SPATS2L: variants seen among roughly 807,000 people sequenced by gnomAD.
SPATS2L encodes the protein SPATS2-like protein.
In SPATS2L, 30 loss-of-function variants were observed where a neutral mutation model predicts 59.6. That is an observed-to-expected ratio of 0.50 (90% confidence interval 0.38 to 0.68). The LOEUF (loss-of-function observed/expected upper bound fraction) is 0.68, where lower values mean the gene tolerates loss of function less well. Ranked by LOEUF, SPATS2L falls within the 30% of genes least tolerant of loss-of-function variation. The probability of loss-of-function intolerance (pLI) is 0.00; values close to 1 mark genes in which losing one functional copy is unlikely to be tolerated. For missense variants in SPATS2L, 615 were observed against 700.0 expected (o/e 0.88, Z 1.37); for synonymous variants, 252 against 263.5 (o/e 0.96, Z 0.42).
intron 2 of SPATS2L, among the ~76,000 whole-genome samples, chr2:200,338,049 G>A (rs1186065433): frequency 6.6e-6 from 1 of 151,984 alleles, no homozygotes; most frequent in Admixed American, 6.6e-5. Context: ...TTTTGAGACG[G>A]GGTCTCACTC....
intron 2 of SPATS2L, among the ~76,000 whole-genome samples, chr2:200,335,200 A>G (rs1310835603): frequency 6.6e-6 from 1 of 152,126 alleles, no homozygotes; most frequent in African/African-American, 2.4e-5. Flanking sequence ...TAAGGTGTGT[A>G]TATTCAAGTG....
intron 2 of SPATS2L, among the ~76,000 whole-genome samples, chr2:200,381,048 A>C (rs752980676): frequency 1.3e-5 from 2 of 152,242 alleles, no homozygotes; most frequent in Non-Finnish European, 2.9e-5. Flanking sequence ...GTAGCAAAGG[A>C]TGGAGGGAAA....
chr2:200,410,223 A>G lies in SPATS2L; in HGVS notation c.40-2088A>G, dbSNP rs534024394. On this transcript the variant is annotated intron_variant, in intron 3 of 12. Transcript: ENST00000409140. ...TGGCTTGAAATAAATGCTAGATTTA[A>G]AAGAGCTATATTGGAAGGGTAACAT... is the stretch of plus-strand genomic sequence containing the variant. Among the ~76,000 whole-genome samples, 102 of 152,260 alleles carry G rather than the reference A, an allele frequency of 6.7e-4. 1 individual carries two copies. In the South Asian group the frequency reaches 1.0e-2, roughly 15 times the overall value.
intron 3 of SPATS2L, among the ~76,000 whole-genome samples, chr2:200,397,071 T>C (rs2082378114): frequency 6.6e-6 from 1 of 152,182 alleles, no homozygotes; most frequent in Admixed American, 6.5e-5. Context: ...AATTTACTAT[T>C]GTAGGATTAG....
chr2:200,406,394 A>C (rs1392217169), intron 3 of SPATS2L, among the ~76,000 whole-genome samples: 1 of 151,294 alleles, frequency 6.6e-6, no homozygotes, highest in East Asian at 1.9e-4. Flanking sequence ...AAACCCTCTC[A>C]AACTAGCACA....
intron 5 of SPATS2L, 49 bp downstream of exon 5, chr2:200,416,477 T>G: frequency 2.7e-6 from 3 of 1,095,660 alleles, no homozygotes; most frequent in Non-Finnish European, 3.8e-6. Flanking sequence ...ATCAAAACCT[T>G]CATGGTTGTT....
intron 2 of SPATS2L, among the ~76,000 whole-genome samples, chr2:200,359,633 C>T (rs1403919135): frequency 6.6e-6 from 1 of 152,204 alleles, no homozygotes; most frequent in African/African-American, 2.4e-5. Flanking sequence ...TAAGCCTGTT[C>T]TTGGAATAAA....
intron 3 of SPATS2L, among the ~76,000 whole-genome samples, chr2:200,407,375 G>C (rs1423752840): frequency 6.6e-6 from 1 of 152,168 alleles, no homozygotes; most frequent in African/African-American, 2.4e-5. Context: ...CCCTTACTCA[G>C]CAAAGTTAAT....
intron 2 of SPATS2L, among the ~76,000 whole-genome samples, chr2:200,337,050 T>C (rs575863961): frequency 2.0e-5 from 3 of 152,358 alleles, no homozygotes; most frequent in Non-Finnish European, 4.4e-5. Flanking sequence ...TGAGTTATAA[T>C]GTAATCTATA....
chr2:200,452,634 A>G (rs1349804672), intron 8 of SPATS2L, among the ~76,000 whole-genome samples: 4 of 152,194 alleles, frequency 2.6e-5, no homozygotes, highest in Non-Finnish European at 5.9e-5. Flanking sequence ...CTGATTGGCA[A>G]TTGAGTGTAG....
rs992026823 is a variant in SPATS2L, at chr2:200,478,693, C to T, written c.*662C>T. On this transcript the variant is annotated 3_prime_UTR_variant, in exon 13 of 13. Coordinates refer to ENST00000409140, the MANE Select transcript of SPATS2L (RefSeq NM_001100423.2). The stretch of plus-strand genomic sequence containing the variant: ...TCTTTCAGGAAAATATATATATGCC[C>T]TTTCAATTAGATTACACAAATAGAT... 1.3e-5 allele frequency: 2 copies of T among 152,488 alleles called. No individual in the cohort carries two copies. The highest frequency in any genetic ancestry group is 2.9e-5 in the Non-Finnish European group (2 of 68,034). The allele number at this position is 152,488 out of a possible 1,614,324, so 9.4% of individuals were successfully genotyped here.
Position 200,439,208 on chromosome 2 carries a change from C to A in SPATS2L, c.532C>A (p.Gln178Lys), listed in dbSNP as rs1574545892. The A allele has an allele frequency of 3.1e-6, 5 of 1,613,636 alleles. No homozygotes were observed. Among genetic ancestry groups the A allele is most frequent in the Non-Finnish European group, 3.4e-6 (4 of 1,179,654 alleles). Residue 178 changes from glutamine to lysine, a missense_variant, in exon 7 of 13, where the codon CAG (glutamine) becomes AAG (lysine). Coordinates refer to ENST00000409140, the MANE Select transcript of SPATS2L (RefSeq NM_001100423.2). Reference sequence around the variant, plus strand: ...AACAACAGAGAGGTCAGATGGCCTACAGTGGTCAGCTGAGCAGCCTTGTAA... The same window carrying A: ...AACAACAGAGAGGTCAGATGGCCTAAAGTGGTCAGCTGAGCAGCCTTGTAA... ...HGTTERSDGLQWSAEQPCNPS... is the reference protein window; with the variant it reads ...HGTTERSDGLKWSAEQPCNPS...
intron 8 of SPATS2L, among the ~76,000 whole-genome samples, chr2:200,457,350 A>G (rs939798506): frequency 1.3e-5 from 2 of 152,198 alleles, no homozygotes; most frequent in African/African-American, 4.8e-5. Flanking sequence ...CCGGCATTTC[A>G]TACAATTACT....
chr2:200,418,581 TAATAAATAAATAAATAAATA>T, intron 5 of SPATS2L, among the ~76,000 whole-genome samples: 1 of 145,320 alleles, frequency 6.9e-6, no homozygotes, highest in East Asian at 2.0e-4. Flanking sequence ...CCTTATTAAA[TAATAAATAAATAAATAAATA>T]AATAAATAAA....
At chr2:200,448,799 G>T (rs1559141890) in intron 8 of SPATS2L, among the ~76,000 whole-genome samples, 2 of 152,164 alleles carry the variant, frequency 1.3e-5, no homozygotes, top group Non-Finnish European at 2.9e-5. Context: ...CAGAGAGTAT[G>T]GGGATGAACA....
At position 200,480,955 on chromosome 2, in the gene SPATS2L, A is replaced by G. The variant is rs1395100036; in HGVS notation, c.*2924A>G. The G allele has an allele frequency of 6.6e-6, 1 of 152,264 alleles. No individual in the cohort carries two copies. The highest frequency in any genetic ancestry group is 1.5e-5 in the Non-Finnish European group (1 of 68,036). 9.4% of individuals were successfully genotyped at this position (152,264 alleles called of 1,614,324 possible). On this transcript the variant is annotated 3_prime_UTR_variant, in exon 13 of 13. Coordinates refer to ENST00000409140, the MANE Select transcript of SPATS2L (RefSeq NM_001100423.2). ...GGTTAAAATAGTTTAATCCTTATGA[A>G]GATGGAATAACTTCAAACTCACATT...
At chr2:200,330,022 G>A (rs112594800) in intron 2 of SPATS2L, among the ~76,000 whole-genome samples, 6 of 152,174 alleles carry the variant, frequency 3.9e-5, no homozygotes, top group African/African-American at 1.4e-4. Context: ...GAGCCAGACA[G>A]CCTGGCTCTG....
chr2:200,389,087 T>C, intron 2 of SPATS2L, 136 bp from the exon 3 acceptor site: 1 of 609,050 alleles, frequency 1.6e-6, no homozygotes, highest in Non-Finnish European at 2.9e-6. Flanking sequence ...ATGCTTAGCT[T>C]GAAAGTATTT....
chr2:200,400,958 A>G (rs1405989178), intron 3 of SPATS2L, among the ~76,000 whole-genome samples: 1 of 152,192 alleles, frequency 6.6e-6, no homozygotes, highest in African/African-American at 2.4e-5. Context: ...ATCTTCCCCC[A>G]TTAAAAGATG....
Sources: gnomAD v4.1 joint callset for allele counts (sites outside exome capture counted in the v4.1 genomes callset) on GRCh38, gnomAD v4.1.1 for gene constraint, MANE v1.5 for transcripts, NCBI Gene and HGNC (gene_info 2026-07-23, HGNC 2026-07-21) for gene names.